Variants in ANO3 observed in about 807,000 individuals in gnomAD.
The protein encoded by ANO3 is anoctamin 3.
ANO3 carries 99 observed loss-of-function variants against 144.8 expected under a neutral mutation model. The ratio of observed to expected loss-of-function variants is 0.68; its 90% CI spans 0.58 to 0.81. ANO3 has a LOEUF of 0.81. ANO3 is among the 30% of genes least tolerant of loss of function. ANO3 has a pLI of 0.00. For synonymous variants in ANO3, 414 were observed against 392.6 expected, an observed-to-expected ratio of 1.05 and a Z score of -0.64; for missense variants, 905 against 1,202.2, an observed-to-expected ratio of 0.75 and a Z score of 3.66.
At chr11:26,386,854 T>G (rs9943646) in intron 1 of ANO3, among the ~76,000 whole-genome samples, 1 of 151,754 alleles carries the variant, frequency 6.6e-6, no homozygotes, top group Non-Finnish European at 1.5e-5. Context: ...TTAGTAAAAT[T>G]TAAATCATGT....
At chr11:26,595,460 GTTTTTTTTT>G (rs201712393) in intron 14 of ANO3, among the ~76,000 whole-genome samples, 2 of 101,386 alleles carry the variant, frequency 2.0e-5, no homozygotes, top group African/African-American at 8.4e-5. Context: ...AGATAGAGTT[GTTTTTTTTT>G]TTTTTTTTTT....
At chr11:26,364,489 T>A (rs2133929034) in intron 1 of ANO3, among the ~76,000 whole-genome samples, 1 of 152,316 alleles carries the variant, frequency 6.6e-6, no homozygotes, top group Admixed American at 6.5e-5. Context: ...AGAGTTTTAA[T>A]TGGTTTGCCA....
chr11:26,345,346 G>C (rs1420072827), intron 1 of ANO3, among the ~76,000 whole-genome samples: 1 of 152,170 alleles, frequency 6.6e-6, no homozygotes, highest in East Asian at 1.9e-4. Context: ...CCTGAGGTCA[G>C]GAGTTCAAGA....
intron 14 of ANO3, among the ~76,000 whole-genome samples, chr11:26,590,981 C>T (rs987346978): frequency 2.6e-5 from 4 of 152,098 alleles, no homozygotes; most frequent in Non-Finnish European, 4.4e-5. Flanking sequence ...GTTTATATCC[C>T]GAATATTGTC....
At chr11:26,284,490 C>A (rs1853754588) in intron 1 of ANO3, among the ~76,000 whole-genome samples, 1 of 152,152 alleles carries the variant, frequency 6.6e-6, no homozygotes, top group Non-Finnish European at 1.5e-5. Context: ...TGTTTTTGTA[C>A]TCATTATATG....
At chr11:26,547,393 T>A in intron 11 of ANO3, 23 bp from the exon 12 acceptor site, 7 of 1,609,104 alleles carry the variant, frequency 4.4e-6, no homozygotes, top group Non-Finnish European at 5.9e-6. Flanking sequence ...TAACTCAGTC[T>A]AAGGATTTGC....
chr11:26,404,955 G>A (rs530072460), intron 1 of ANO3, among the ~76,000 whole-genome samples: 1,749 of 150,566 alleles, frequency 0.012, 21 homozygotes, highest in Non-Finnish European at 0.019. Flanking sequence ...GTGTGTGTGT[G>A]TGTGTGTGTG....
At chr11:26,221,879 C>T (rs1428568788) in intron 1 of ANO3, among the ~76,000 whole-genome samples, 1 of 152,148 alleles carries the variant, frequency 6.6e-6, no homozygotes, top group Non-Finnish European at 1.5e-5. Context: ...ACCTCCATGA[C>T]CTAAATACCT....
intron 24 of ANO3, among the ~76,000 whole-genome samples, chr11:26,652,365 T>A (rs1194508461): frequency 6.6e-6 from 1 of 152,138 alleles, no homozygotes; most frequent in Admixed American, 6.6e-5. Flanking sequence ...TAAGAAAAAT[T>A]GAATCAATTA....
At chr11:26,374,015 G>A (rs1386259536) in intron 1 of ANO3, among the ~76,000 whole-genome samples, 5 of 152,032 alleles carry the variant, frequency 3.3e-5, no homozygotes, top group Non-Finnish European at 7.4e-5. Flanking sequence ...GTGCTTCCAT[G>A]CCCACCCCAG....
At chr11:26,341,111 T>C (rs1343034862) in intron 1 of ANO3, among the ~76,000 whole-genome samples, 1 of 150,506 alleles carries the variant, frequency 6.6e-6, no homozygotes, top group Non-Finnish European at 1.5e-5. Context: ...TCCCCTTTCC[T>C]TCCTCTCTCT....
In ANO3 at chr11:26,537,402, G is replaced by T; in HGVS notation, c.977-4G>T. The T allele has an allele frequency of 6.2e-7, 1 of 1,610,876 alleles. No individual in the cohort carries two copies. The highest frequency in any genetic ancestry group is 8.5e-7 in the Non-Finnish European group (1 of 1,177,100). ...CAATAACTGTCCTTTTCTTCTCTTT[G>T]CAGGTATCCGTAAACTTATAAACAA... On this transcript the variant is annotated splice_region_variant and splice_polypyrimidine_tract_variant and intron_variant, in intron 9 of 26. Transcript: ENST00000256737.
intron 4 of ANO3, among the ~76,000 whole-genome samples, chr11:26,502,917 A>C (rs555658019): frequency 1.3e-5 from 2 of 151,960 alleles, no homozygotes; most frequent in Admixed American, 1.3e-4. Context: ...TTATTTAAAG[A>C]GTACCCTAAA....
At chr11:26,485,622 A>AT (rs1860415194) in intron 4 of ANO3, among the ~76,000 whole-genome samples, 1 of 152,146 alleles carries the variant, frequency 6.6e-6, no homozygotes, top group African/African-American at 2.4e-5. Context: ...GATGTTGAGC[A>AT]TTTTTTCATA....
At chr11:26,200,622 G>A (rs963516709) in intron 1 of ANO3, among the ~76,000 whole-genome samples, 6 of 152,066 alleles carry the variant, frequency 3.9e-5, no homozygotes, top group Admixed American at 2.6e-4. Flanking sequence ...GATATGATGT[G>A]TTTCAGCAAA....
intron 3 of ANO3, among the ~76,000 whole-genome samples, chr11:26,455,775 A>C (rs1314364632): frequency 6.6e-6 from 1 of 150,724 alleles, no homozygotes; most frequent in Non-Finnish European, 1.5e-5. Flanking sequence ...AGTCAATCCT[A>C]AGCCAAAAGA....
intron 1 of ANO3, among the ~76,000 whole-genome samples, chr11:26,437,023 C>A (rs1858320234): frequency 6.6e-6 from 1 of 151,730 alleles, no homozygotes; most frequent in Non-Finnish European, 1.5e-5. Flanking sequence ...GCAAAGATAG[C>A]AGCCTACCCC....
intron 1 of ANO3, among the ~76,000 whole-genome samples, chr11:26,424,246 TCC>T (rs34385420): frequency 6.9e-6 from 1 of 145,560 alleles, no homozygotes; most frequent in Admixed American, 6.7e-5. Flanking sequence ...GACTAAAATC[TCC>T]CCCCCCACAC....
chr11:26,407,771 C>A (rs1190356604), intron 1 of ANO3, among the ~76,000 whole-genome samples: 2 of 151,818 alleles, frequency 1.3e-5, no homozygotes, highest in Non-Finnish European at 2.9e-5. Flanking sequence ...CATACCAGGC[C>A]ATTTGAGAGC....
Sources: gnomAD v4.1 joint callset for allele counts (sites outside exome capture counted in the v4.1 genomes callset) on GRCh38, gnomAD v4.1.1 for gene constraint, MANE v1.5 for transcripts, NCBI Gene and HGNC (gene_info 2026-07-23, HGNC 2026-07-21) for gene names.